Variants in BIRC6 observed in about 807,000 individuals in gnomAD.
BIRC6 encodes baculoviral IAP repeat containing 6, also known as dual E2 ubiquitin-conjugating enzyme/E3 ubiquitin-protein ligase BIRC6.
BIRC6 carries 98 observed loss-of-function variants against 503.3 expected under a neutral mutation model. That is an observed-to-expected ratio of 0.19 (90% CI 0.17 to 0.23). BIRC6 has a LOEUF of 0.23. Ranked by LOEUF, BIRC6 falls within the 10% of genes least tolerant of loss-of-function variation. The pLI, the probability that BIRC6 is intolerant of heterozygous loss-of-function variation, is 1.00. For synonymous variants in BIRC6, 2,240 were observed against 2,078.7 expected (o/e 1.08, Z -2.11); for missense variants, 5,360 against 5,806.0 (o/e 0.92, Z 2.50).
rs1653590903 is a variant in BIRC6, at chr2:32,502,900, A to G, written c.9304+9A>G. ...AGCATTTCATGATATGGGTAAGATAATATTTCAATAACTATCATTTAAGTG... is the reference window on the plus strand; with the variant it reads ...AGCATTTCATGATATGGGTAAGATAGTATTTCAATAACTATCATTTAAGTG... On this transcript the variant is annotated intron_variant, in intron 48 of 73. Transcript: ENST00000421745. 5 of 1,585,160 alleles carry G rather than the reference A, an allele frequency of 3.2e-6. No individual in the cohort carries two copies. The South Asian group carries it at 3.4e-5, about 11-fold the overall frequency.
intron 61 of BIRC6, among the ~76,000 whole-genome samples, chr2:32,537,948 C>A (rs1387625902): frequency 6.6e-6 from 1 of 150,424 alleles, no homozygotes; most frequent in Non-Finnish European, 1.5e-5. Context: ...GCCTGGGCGA[C>A]AGCGAGACTC....
chr2:32,412,529 G>A (rs969466647), intron 9 of BIRC6, among the ~76,000 whole-genome samples: 1 of 151,872 alleles, frequency 6.6e-6, no homozygotes. Flanking sequence ...AAGAATAAAG[G>A]TGAATAAGAT....
chr2:32,594,136 G>A, intron 67 of BIRC6, 76 bp downstream of exon 67: 1 of 1,469,070 alleles, frequency 6.8e-7, no homozygotes, highest in Non-Finnish European at 9.2e-7. Flanking sequence ...ACCTGCCTTT[G>A]TGTTTTTGCT....
intron 21 of BIRC6, 63 bp from the exon 22 acceptor site, chr2:32,448,732 A>G: frequency 6.6e-7 from 1 of 1,509,142 alleles, no homozygotes; most frequent in Non-Finnish European, 9.1e-7. Context: ...AAAACTAAGT[A>G]AAGGTAATTT....
chr2:32,454,024 C>A, intron 23 of BIRC6, 82 bp downstream of exon 23: 1 of 1,134,482 alleles, frequency 8.8e-7, no homozygotes, highest in Non-Finnish European at 1.2e-6. Context: ...AACATTATTT[C>A]TAATTATGTA....
intron 73 of BIRC6, among the ~76,000 whole-genome samples, chr2:32,616,770 CA>C (rs773715060): frequency 6.6e-6 from 1 of 152,004 alleles, no homozygotes; most frequent in Non-Finnish European, 1.5e-5. Flanking sequence ...TAGCCAGAGT[CA>C]GCATGTATGA....
At chr2:32,388,607 A>G (rs2038818436) in intron 3 of BIRC6, 143 bp from the exon 4 acceptor site, 1 of 608,726 alleles carries the variant, frequency 1.6e-6, no homozygotes. Flanking sequence ...TTATAACTGC[A>G]AGTTTCTGTT....
intron 33 of BIRC6, among the ~76,000 whole-genome samples, chr2:32,475,421 G>A (rs1205972513): frequency 1.3e-5 from 2 of 152,074 alleles, no homozygotes; most frequent in Non-Finnish European, 1.5e-5. Flanking sequence ...GATTGCTGTT[G>A]TTTAGGGATG....
At position 32,436,052 on chromosome 2, in the gene BIRC6, G is replaced by T. The variant is rs1253507317; in HGVS notation, c.3500-1G>T. Reference sequence around the variant, plus strand: ...AGAAAAATATGTATTTTTCTTTTTAGGTCTTAGATTATGTCCATTTTTGGA... The same window carrying T: ...AGAAAAATATGTATTTTTCTTTTTATGTCTTAGATTATGTCCATTTTTGGA... On this transcript the variant is annotated splice_acceptor_variant, in intron 14 of 73. Coordinates refer to ENST00000421745, the MANE Select transcript of BIRC6 (RefSeq NM_016252.4). LOFTEE classifies it high-confidence loss of function. The T allele has an allele frequency of 1.4e-6, 2 of 1,381,276 alleles. No homozygotes were observed. The highest frequency in any genetic ancestry group is 1.5e-5 in the African/African-American group (1 of 68,150). The allele number at this position is 1,381,276 out of a possible 1,614,324, so 85.6% of individuals were successfully genotyped here.
intron 45 of BIRC6, among the ~76,000 whole-genome samples, chr2:32,495,793 T>G (rs928884002): frequency 5.0e-5 from 7 of 140,850 alleles, no homozygotes; most frequent in Non-Finnish European, 7.6e-5. Flanking sequence ...GGATGAAGTT[T>G]TTTTTTTTTT....
intron 35 of BIRC6, 73 bp downstream of exon 35, chr2:32,477,656 T>C: frequency 8.3e-7 from 1 of 1,198,712 alleles, no homozygotes. Flanking sequence ...CCCAGCACTT[T>C]GGGAGACTGA....
At chr2:32,502,152 GTTC>G (rs1354883993) in intron 47 of BIRC6, among the ~76,000 whole-genome samples, 1 of 152,104 alleles carries the variant, frequency 6.6e-6, no homozygotes, top group Non-Finnish European at 1.5e-5. Context: ...GTCTCAAGAA[GTTC>G]TTCTCTTTTT....
At chr2:32,495,627 A>G (rs1197021400) in intron 45 of BIRC6, among the ~76,000 whole-genome samples, 1 of 152,144 alleles carries the variant, frequency 6.6e-6, no homozygotes, top group African/African-American at 2.4e-5. Flanking sequence ...GATGTAATCT[A>G]AATTGTCAAC....
intron 61 of BIRC6, among the ~76,000 whole-genome samples, chr2:32,536,652 TC>T (rs1221012874): frequency 1.3e-5 from 2 of 152,196 alleles, no homozygotes; most frequent in Non-Finnish European, 2.9e-5. Context: ...TCTGTTCTGT[TC>T]CATTGGTCTG....
chr2:32,551,746 A>G (rs761785286), intron 65 of BIRC6, among the ~76,000 whole-genome samples: 8 of 152,182 alleles, frequency 5.3e-5, no homozygotes, highest in Non-Finnish European at 1.2e-4. Flanking sequence ...ATGTGATAGG[A>G]TCCACTCCAC....
chr2:32,464,192 A>G (rs1331420162), intron 24 of BIRC6, among the ~76,000 whole-genome samples: 1 of 152,222 alleles, frequency 6.6e-6, no homozygotes, highest in East Asian at 1.9e-4. Flanking sequence ...ACATTAGTCA[A>G]CATGAGAATT....
At chr2:32,478,304 C>T (rs1293973728) in intron 35 of BIRC6, among the ~76,000 whole-genome samples, 3 of 151,886 alleles carry the variant, frequency 2.0e-5, no homozygotes. Context: ...CGCCACTTCA[C>T]ACCAGCCTGG....
At chr2:32,384,453 C>G (rs1333121772) in intron 3 of BIRC6, among the ~76,000 whole-genome samples, 1 of 151,408 alleles carries the variant, frequency 6.6e-6, no homozygotes. Context: ...GACATTCTGT[C>G]AGTCCACAGG....
chr2:32,599,021 CAAAAAAAAAAAAA>C (rs35744882), intron 69 of BIRC6, among the ~76,000 whole-genome samples: 8 of 27,828 alleles, frequency 2.9e-4, no homozygotes, highest in East Asian at 2.4e-3. Context: ...AACTCCATCT[CAAAAAAAAAAAAA>C]AAAAAAAAAA....
Sources: gnomAD v4.1 joint callset for allele counts (sites outside exome capture counted in the v4.1 genomes callset) on GRCh38, gnomAD v4.1.1 for gene constraint, MANE v1.5 for transcripts, NCBI Gene and HGNC (gene_info 2026-07-23, HGNC 2026-07-21) for gene names.